The following PLA2G5 variants were observed in gnomAD, a reference collection of about 807,000 sequenced individuals.
PLA2G5 encodes phospholipase A2 group V.
Under a neutral mutation model 15.9 loss-of-function variants are expected in PLA2G5, and 12 were observed. That is an observed-to-expected ratio of 0.76 (90% CI 0.48 to 1.23). The LOEUF is 1.23. PLA2G5 is among the 50% of genes most tolerant of loss of function. The pLI, the probability that PLA2G5 is intolerant of heterozygous loss-of-function variation, is 0.00. For synonymous variants in PLA2G5, 71 were observed against 71.4 expected, an observed-to-expected ratio of 0.99 and a Z score of 0.03; for missense variants, 169 against 177.1, an observed-to-expected ratio of 0.95 and a Z score of 0.26.
chr1:20,079,255 G>A (rs940031981), intron 1 of PLA2G5, among the ~76,000 whole-genome samples: 1 of 152,136 alleles, frequency 6.6e-6, no homozygotes, highest in Non-Finnish European at 1.5e-5. Flanking sequence ...TAGAAGGTGA[G>A]CTGTCATTGA....
chr1:20,052,667 A>G (rs1160923598), intron 1 of PLA2G5, among the ~76,000 whole-genome samples: 2 of 152,098 alleles, frequency 1.3e-5, no homozygotes, highest in African/African-American at 4.8e-5. Context: ...GAGACTAGAG[A>G]CTCATTTTCT....
chr1:20,091,068 C>T lies in PLA2G5; in HGVS notation c.*376C>T, dbSNP rs986266922. ...AGCTTCTGCGATCAGATTATCATCA[C>T]CACCACCCTCCAGAGAATTTTTACG... On this transcript the variant is annotated 3_prime_UTR_variant, in exon 5 of 5. Transcript: ENST00000375108. The T allele has an allele frequency of 5.7e-6, 1 of 175,170 alleles. No individual in the cohort carries two copies. Among genetic ancestry groups the T allele is most frequent in the Admixed American group, 5.8e-5 (1 of 17,200 alleles). 10.9% of individuals were successfully genotyped at this position (175,170 alleles called of 1,614,324 possible).
At chr1:20,080,093 G>A (rs11573238) in intron 1 of PLA2G5, among the ~76,000 whole-genome samples, 41,854 of 151,978 alleles carry the variant, frequency 0.28, 5,852 homozygotes, top group East Asian at 0.34. Flanking sequence ...GGTTGAGGCT[G>A]AGCAAAACAG....
At chr1:20,070,704 T>C (rs2015321794) in intron 1 of PLA2G5, 1 of 153,056 alleles carries the variant, frequency 6.5e-6, no homozygotes, top group African/African-American at 2.4e-5. Context: ...AGATGGAGGT[T>C]ACCGGAAGGT....
intron 2 of PLA2G5, among the ~76,000 whole-genome samples, chr1:20,060,725 CT>C (rs1363486620): frequency 3.7e-5 from 5 of 136,004 alleles, no homozygotes; most frequent in African/African-American, 1.5e-4. Flanking sequence ...TAGAGCAAGT[CT>C]TTCTTTCTTT....
intron 3 of PLA2G5, chr1:20,088,680 AC>A (rs1311228201): frequency 6.5e-6 from 1 of 153,728 alleles, no homozygotes; most frequent in Non-Finnish European, 1.5e-5. Flanking sequence ...CACCTAACAT[AC>A]AGTCATCCCT....
At chr1:20,066,655 A>G (rs144761454), upstream of PLA2G5, among the ~76,000 whole-genome samples, 160 of 152,280 alleles carry the variant, frequency 1.1e-3, no homozygotes, top group African/African-American at 3.6e-3. Flanking sequence ...TATGTACCAG[A>G]GAAGCTTTTT....
At chr1:20,065,180 G>T (rs187429976) in intron 2 of PLA2G5, among the ~76,000 whole-genome samples, 2 of 152,004 alleles carry the variant, frequency 1.3e-5, no homozygotes, top group African/African-American at 4.8e-5. Flanking sequence ...CCCATATACC[G>T]CCCCCTTATC....
At chr1:20,058,751 G>T (rs1442313898) in intron 1 of PLA2G5, among the ~76,000 whole-genome samples, 3 of 152,172 alleles carry the variant, frequency 2.0e-5, no homozygotes, top group South Asian at 4.1e-4. Flanking sequence ...TGACAAGCTG[G>T]TTTATTGATT....
intron 1 of PLA2G5, among the ~76,000 whole-genome samples, chr1:20,029,890 T>C (rs1267637325): frequency 6.6e-6 from 1 of 152,206 alleles, no homozygotes; most frequent in Non-Finnish European, 1.5e-5. Context: ...GATAAGAGTT[T>C]GTGCTACACA....
upstream of PLA2G5, among the ~76,000 whole-genome samples, chr1:20,067,110 C>T (rs201656831): frequency 6.6e-6 from 1 of 152,132 alleles, no homozygotes; most frequent in Admixed American, 6.5e-5. Flanking sequence ...ATCCTCCCAC[C>T]TTAGCCTCCC....
chr1:20,065,720 G>T (rs2014990167), upstream of PLA2G5, among the ~76,000 whole-genome samples: 1 of 152,192 alleles, frequency 6.6e-6, no homozygotes, highest in South Asian at 2.1e-4. Context: ...GGAAAATGAT[G>T]AATAAGGCTG....
intron 1 of PLA2G5, among the ~76,000 whole-genome samples, chr1:20,050,435 A>G (rs1301875161): frequency 6.6e-6 from 1 of 152,196 alleles, no homozygotes; most frequent in East Asian, 1.9e-4. Flanking sequence ...GAGATAAAAT[A>G]AGTTCAGTTT....
upstream of PLA2G5, among the ~76,000 whole-genome samples, chr1:20,068,072 C>T (rs960916323): frequency 3.3e-5 from 5 of 151,184 alleles, no homozygotes; most frequent in Non-Finnish European, 7.4e-5. Flanking sequence ...GAACCAAGAT[C>T]GTGCCATTGC....
exon 1 of PLA2G5, chr1:20,028,624 G>A (rs988968620): frequency 2.6e-5 from 4 of 152,240 alleles, no homozygotes; most frequent in African/African-American, 9.7e-5. Flanking sequence ...TGGACTTAGT[G>A]GAGGAGAACG....
upstream of PLA2G5, among the ~76,000 whole-genome samples, chr1:20,067,573 A>G (rs1264292023): frequency 6.6e-6 from 1 of 152,150 alleles, no homozygotes; most frequent in Admixed American, 6.5e-5. Context: ...TTGTAGTCCC[A>G]GCTACTCAGG....
chr1:20,071,440 G>A (rs1362954506), intron 1 of PLA2G5, among the ~76,000 whole-genome samples: 1 of 152,154 alleles, frequency 6.6e-6, no homozygotes, highest in Non-Finnish European at 1.5e-5. Context: ...CCTACACTGA[G>A]CACTGGAGAT....
At chr1:20,078,733 A>G (rs1324913497) in intron 1 of PLA2G5, among the ~76,000 whole-genome samples, 1 of 152,068 alleles carries the variant, frequency 6.6e-6, no homozygotes, top group Admixed American at 6.5e-5. Flanking sequence ...GGCCTTAAGG[A>G]GGGGCTTCTC....
chr1:20,029,969 G>A (rs1454914577), intron 1 of PLA2G5, among the ~76,000 whole-genome samples: 1 of 152,198 alleles, frequency 6.6e-6, no homozygotes, highest in Admixed American at 6.5e-5. Context: ...GAAGGTGGGG[G>A]TTGAATCCTG....
Sources: allele counts gnomAD v4.1 joint callset (sites outside exome capture counted in the v4.1 genomes callset), GRCh38; gene constraint gnomAD v4.1.1; transcripts MANE v1.5; gene names NCBI Gene and HGNC (gene_info 2026-07-23, HGNC 2026-07-21).